The following OPRM1 variants were observed in gnomAD, a reference collection of about 807,000 sequenced individuals.
The protein encoded by OPRM1 is mu-type opioid receptor.
OPRM1 carries 27 observed loss-of-function variants against 31.8 expected under a neutral mutation model. That is an observed-to-expected ratio of 0.85 (90% confidence interval 0.63 to 1.17). OPRM1 has a LOEUF of 1.17. Ranked by LOEUF, OPRM1 falls within the 50% of genes most tolerant of loss-of-function variation. OPRM1 has a pLI of 0.00. For missense variants in OPRM1, 536 were observed against 511.1 expected, an observed-to-expected ratio of 1.05 and a Z score of -0.47; for synonymous variants, 196 against 189.9, an observed-to-expected ratio of 1.03 and a Z score of -0.26.
chr6:154,016,892 T>A (rs1481210790), intron 1 of OPRM1, among the ~76,000 whole-genome samples: 2 of 152,072 alleles, frequency 1.3e-5, no homozygotes, highest in Non-Finnish European at 2.9e-5. Context: ...ACAGAAAAAA[T>A]TTCTCTGAAA....
At chr6:154,016,633 TA>T (rs774043678) in intron 1 of OPRM1, among the ~76,000 whole-genome samples, 2 of 152,330 alleles carry the variant, frequency 1.3e-5, no homozygotes, top group Non-Finnish European at 2.9e-5. Context: ...CACTGTAATT[TA>T]TAGAAGTGAA....
At chr6:154,238,787 C>G (rs1678381247) in intron 3 of OPRM1, among the ~76,000 whole-genome samples, 1 of 152,094 alleles carries the variant, frequency 6.6e-6, no homozygotes, top group African/African-American at 2.4e-5. Flanking sequence ...CTCAAGTGAT[C>G]CTCCCATCTC....
chr6:154,065,690 A>G (rs1785256314), intron 1 of OPRM1, among the ~76,000 whole-genome samples: 1 of 152,144 alleles, frequency 6.6e-6, no homozygotes, highest in Non-Finnish European at 1.5e-5. Context: ...TTTTCTACTT[A>G]TAAGATTATG....
At chr6:154,083,268 T>C (rs987113807) in intron 1 of OPRM1, among the ~76,000 whole-genome samples, 1 of 152,080 alleles carries the variant, frequency 6.6e-6, no homozygotes, top group Non-Finnish European at 1.5e-5. Flanking sequence ...TTTACAAAAG[T>C]GCATACCAGA....
intron 3 of OPRM1, among the ~76,000 whole-genome samples, chr6:154,227,591 G>A (rs9322452): frequency 2.0e-5 from 3 of 152,002 alleles, no homozygotes; most frequent in East Asian, 1.9e-4. Context: ...GGCAGCACAC[G>A]CCTATATTCC....
At position 154,207,421 on chromosome 6, in the gene OPRM1, AGTTCT is replaced by A. The variant is rs539870983; in HGVS notation, c.1165-39266_1165-39262del. On this transcript the variant is annotated intron_variant, in intron 3 of 3. Transcript: ENST00000337049. Reference sequence around the variant, plus strand: ...ATTTTTCACCCAACTATCCACTTGCAGTTCTGTTCTTTCATTTAGTACAGATATTG... The same window carrying A: ...ATTTTTCACCCAACTATCCACTTGCAGTTCTTTCATTTAGTACAGATATTG... Among the ~76,000 whole-genome samples the A allele has an allele frequency of 2.7e-4, 41 of 152,360 alleles. No individual in the cohort carries two copies. In the South Asian group the frequency reaches 8.3e-3, roughly 31 times the overall value.
At chr6:154,202,133 G>C (rs1172402750) in intron 3 of OPRM1, among the ~76,000 whole-genome samples, 1 of 152,188 alleles carries the variant, frequency 6.6e-6, no homozygotes. Context: ...TTCCATGCTA[G>C]ACACGGATTG....
downstream of OPRM1, among the ~76,000 whole-genome samples, chr6:154,135,911 C>T (rs1440283891): frequency 6.6e-6 from 1 of 152,186 alleles, no homozygotes; most frequent in Non-Finnish European, 1.5e-5. Context: ...AAATTGAAAG[C>T]ATTTCATATT....
intron 3 of OPRM1, among the ~76,000 whole-genome samples, chr6:154,209,537 C>T (rs944029380): frequency 1.3e-5 from 2 of 151,632 alleles, no homozygotes; most frequent in Admixed American, 6.6e-5. Context: ...GTCCCAGCTA[C>T]TCGGGGGGCC....
At chr6:154,097,648 T>C (rs942659066) in intron 3 of OPRM1, among the ~76,000 whole-genome samples, 7 of 151,924 alleles carry the variant, frequency 4.6e-5, no homozygotes, top group Non-Finnish European at 8.8e-5. Context: ...ATGTATGGAA[T>C]TAGAGTAAAT....
intron 3 of OPRM1, among the ~76,000 whole-genome samples, chr6:154,148,153 C>G (rs1798405251): frequency 6.6e-6 from 1 of 152,196 alleles, no homozygotes; most frequent in African/African-American, 2.4e-5. Flanking sequence ...CTTCCTTGGC[C>G]ATACAGTGGG....
chr6:154,180,238 T>C (rs1298788424), intron 3 of OPRM1, among the ~76,000 whole-genome samples: 2 of 152,008 alleles, frequency 1.3e-5, no homozygotes, highest in Non-Finnish European at 2.9e-5. Flanking sequence ...TTAATGTCAG[T>C]GACCCTTCAC....
At chr6:154,065,590 C>G (rs1302970384) in intron 1 of OPRM1, among the ~76,000 whole-genome samples, 1 of 152,134 alleles carries the variant, frequency 6.6e-6, no homozygotes, top group Non-Finnish European at 1.5e-5. Context: ...AGAAATGCAA[C>G]TGATTTTTAT....
intron 3 of OPRM1, among the ~76,000 whole-genome samples, chr6:154,154,185 T>C (rs908773260): frequency 6.6e-6 from 1 of 152,222 alleles, no homozygotes; most frequent in African/African-American, 2.4e-5. Flanking sequence ...TGCAGGCTGA[T>C]TCCCTCTGAT....
intron 3 of OPRM1, among the ~76,000 whole-genome samples, chr6:154,227,075 G>A (rs1302775171): frequency 1.3e-5 from 2 of 152,092 alleles, no homozygotes; most frequent in African/African-American, 2.4e-5. Context: ...GCGGACGCCT[G>A]TAATCCCAGC....
intron 3 of OPRM1, among the ~76,000 whole-genome samples, chr6:154,195,662 C>G (rs2128586948): frequency 6.6e-6 from 1 of 152,276 alleles, no homozygotes. Flanking sequence ...AAACCTCTCT[C>G]TGGAGTGCTC....
chr6:154,223,762 G>T (rs1779044092), intron 3 of OPRM1, among the ~76,000 whole-genome samples: 1 of 152,210 alleles, frequency 6.6e-6, no homozygotes, highest in South Asian at 2.1e-4. Context: ...AAATAAAACT[G>T]CTAAGAGTCA....
At chr6:154,089,524 C>T (rs1388967776) in intron 1 of OPRM1, among the ~76,000 whole-genome samples, 1 of 147,268 alleles carries the variant, frequency 6.8e-6, no homozygotes, top group Non-Finnish European at 1.5e-5. Flanking sequence ...GAGGTTAAAG[C>T]TGTAGTGAGC....
intron 1 of OPRM1, among the ~76,000 whole-genome samples, chr6:154,086,148 C>T (rs1184404922): frequency 6.6e-6 from 1 of 152,152 alleles, no homozygotes; most frequent in Non-Finnish European, 1.5e-5. Context: ...CACATTACTC[C>T]TTTTCTGATT....
Sources: allele counts gnomAD v4.1 joint callset (sites outside exome capture counted in the v4.1 genomes callset), GRCh38; gene constraint gnomAD v4.1.1; transcripts MANE v1.5; gene names NCBI Gene and HGNC (gene_info 2026-07-23, HGNC 2026-07-21).